GRK4: variants seen among roughly 807,000 people sequenced by gnomAD.
GRK4 encodes G protein-coupled receptor kinase 2-like.
A neutral mutation model predicts 77.9 loss-of-function variants in GRK4; 73 were observed. The observed-to-expected ratio is 0.94, with a 90% CI of 0.78 to 1.14. The LOEUF (loss-of-function observed/expected upper bound fraction) is 1.14, where lower values mean the gene tolerates loss of function less well. Among genes scored for constraint, GRK4 ranks in the 50% most tolerant of loss-of-function variants. The probability of loss-of-function intolerance (pLI) is 0.00; values close to 1 mark genes in which losing one functional copy is unlikely to be tolerated. For missense variants in GRK4, 729 were observed against 700.2 expected (o/e 1.04, Z -0.46); for synonymous variants, 257 against 254.4 (o/e 1.01, Z -0.10).
At chr4:2,982,631 G>C (rs554476414) in intron 1 of GRK4, among the ~76,000 whole-genome samples, 3 of 152,160 alleles carry the variant, frequency 2.0e-5, no homozygotes, top group African/African-American at 7.2e-5. Flanking sequence ...GCTCAGCTCT[G>C]TACTCCTTTA....
intron 7 of GRK4, among the ~76,000 whole-genome samples, chr4:3,012,709 T>C (rs1392355652): frequency 6.6e-6 from 1 of 152,198 alleles, no homozygotes; most frequent in African/African-American, 2.4e-5. Flanking sequence ...CACTTTTGTA[T>C]GTTGGAAATT....
At chr4:2,988,595 A>G (rs1478179134) in intron 2 of GRK4, 132 bp from the exon 3 acceptor site, 2 of 561,896 alleles carry the variant, frequency 3.6e-6, no homozygotes, top group East Asian at 2.9e-5. Flanking sequence ...CAACAACAAC[A>G]AGATGAAAAT....
intron 8 of GRK4, among the ~76,000 whole-genome samples, chr4:3,019,033 G>A (rs1735326085): frequency 6.6e-6 from 1 of 151,598 alleles, no homozygotes; most frequent in Non-Finnish European, 1.5e-5. Flanking sequence ...GGGTGTGTGT[G>A]TATGTGTGTG....
intron 10 of GRK4, among the ~76,000 whole-genome samples, chr4:3,023,288 T>C (rs2515943): frequency 0.38 from 57,331 of 151,978 alleles, 11,172 homozygotes; most frequent in African/African-American, 0.4. Context: ...AATGCAAGGA[T>C]GGTTGCACTG....
At chr4:2,964,155 C>CCG in intron 1 of GRK4, 33 bp downstream of exon 1, 1 of 1,546,716 alleles carries the variant, frequency 6.5e-7, no homozygotes, top group Non-Finnish European at 8.8e-7. Context: ...CGACCCCCCC[C>CCG]CCAGAGAACC....
chr4:2,998,591 TAAG>T (rs1392344621), intron 4 of GRK4, among the ~76,000 whole-genome samples: 8 of 151,458 alleles, frequency 5.3e-5, no homozygotes, highest in Non-Finnish European at 1.5e-5. Flanking sequence ...AAAAAGAAAT[TAAG>T]AAAGCAATTC....
At chr4:2,987,667 G>A (rs909929643) in intron 2 of GRK4, among the ~76,000 whole-genome samples, 7 of 152,162 alleles carry the variant, frequency 4.6e-5, no homozygotes, top group Admixed American at 2.6e-4. Context: ...TTGGCCAGGC[G>A]CAGTGGCTCA....
At chr4:3,019,035 A>ATG (rs149334672) in intron 8 of GRK4, among the ~76,000 whole-genome samples, 1,813 of 151,658 alleles carry the variant, frequency 0.012, 32 homozygotes, top group African/African-American at 0.042. Context: ...GTGTGTGTGT[A>ATG]TGTGTGTGTG....
chr4:3,016,685 G>C (rs1290858505), intron 8 of GRK4, among the ~76,000 whole-genome samples: 1 of 149,794 alleles, frequency 6.7e-6, no homozygotes, highest in African/African-American at 2.5e-5. Flanking sequence ...GGGTGACAGA[G>C]TGAGATCCCA....
intron 1 of GRK4, among the ~76,000 whole-genome samples, chr4:2,971,572 C>A (rs1454017047): frequency 6.6e-6 from 1 of 152,170 alleles, no homozygotes; most frequent in Non-Finnish European, 1.5e-5. Context: ...AGAAACTTGG[C>A]AGGAATAGCA....
intron 15 of GRK4, among the ~76,000 whole-genome samples, chr4:3,039,680 A>C (rs1187124362): frequency 1.3e-5 from 2 of 148,274 alleles, no homozygotes; most frequent in African/African-American, 5.0e-5. Context: ...CCTGGGTGAC[A>C]AGAGTGAAAC....
intron 1 of GRK4, among the ~76,000 whole-genome samples, chr4:2,968,011 G>A (rs1577915780): frequency 1.3e-5 from 2 of 150,636 alleles, no homozygotes; most frequent in African/African-American, 2.4e-5. Flanking sequence ...GGCTGGTCTC[G>A]AACTCCTGAT....
chr4:2,979,820 AG>A lies in GRK4; in HGVS notation c.53-4692del, dbSNP rs1323506496. Among the ~76,000 whole-genome samples the A allele has an allele frequency of 3.9e-5, 6 of 152,326 alleles. No homozygotes were observed. The East Asian group carries it at 1.2e-3, about 29-fold the overall frequency. On this transcript the variant is annotated intron_variant, in intron 1 of 15. Transcript: ENST00000398052. ...CTTGAGTCCAGGAAGTCAAGGCTGC[AG>A]TGAGACTTGCATTCTGCATTCTAGC...
At chr4:3,035,252 G>GA (rs925499059) in intron 12 of GRK4, 134 bp from the exon 13 acceptor site, 1,057 of 919,040 alleles carry the variant, frequency 1.2e-3, no homozygotes, top group Non-Finnish European at 1.4e-3. Context: ...CTCAAAAAAA[G>GA]AAAAAAAAAG....
intron 12 of GRK4, among the ~76,000 whole-genome samples, chr4:3,033,639 T>C (rs971947463): frequency 6.6e-6 from 1 of 152,168 alleles, no homozygotes; most frequent in African/African-American, 2.4e-5. Flanking sequence ...CAGGTTGGAG[T>C]ACAGTGGTGC....
chr4:3,028,028 G>T (rs1174151105), intron 11 of GRK4, 27 bp downstream of exon 11: 2 of 1,603,566 alleles, frequency 1.2e-6, no homozygotes, highest in Non-Finnish European at 1.7e-6. Context: ...CGGCGTCCTT[G>T]TCCTTTCTAT....
intron 10 of GRK4, among the ~76,000 whole-genome samples, chr4:3,024,270 A>G (rs1736820694): frequency 1.3e-5 from 2 of 151,972 alleles, no homozygotes; most frequent in Admixed American, 1.3e-4. Context: ...GTTCTTTTTA[A>G]GGTCAGGGTC....
Position 3,004,299 on chromosome 4 carries a change from G to T in GRK4, c.408G>T (p.Glu136Asp), listed in dbSNP as rs368709515. The T allele has an allele frequency of 5.6e-5, 91 of 1,613,238 alleles. No homozygotes were observed. Among genetic ancestry groups the T allele is most frequent in the Non-Finnish European group, 7.0e-5 (82 of 1,179,352 alleles). Residue 136 changes from glutamate (E) to aspartate (D), a missense_variant, in exon 5 of 16, where the codon GAG (glutamate) becomes GAT (aspartate). Physicochemically the swap from Glu to Asp is conservative, Grantham distance 45. Transcript: ENST00000398052. ...AATGTAGATTGGGACTGAAGGAGGA[G>T]AACCCTTCCAAAAAAGCCTTTGAGG... Reference protein sequence around the residue: ...VTECRLGLKEENPSKKAFEEC... With the variant: ...VTECRLGLKEDNPSKKAFEEC...
At chr4:3,027,891 A>G (rs1376235358) in intron 10 of GRK4, 21 bp from the exon 11 acceptor site, 6 of 1,605,738 alleles carry the variant, frequency 3.7e-6, no homozygotes, top group African/African-American at 1.3e-5. Flanking sequence ...GACCTGTGTA[A>G]TAACATATTT....
Sources: gnomAD v4.1 joint callset for allele counts (sites outside exome capture counted in the v4.1 genomes callset) on GRCh38, gnomAD v4.1.1 for gene constraint, MANE v1.5 for transcripts, NCBI Gene and HGNC (gene_info 2026-07-23, HGNC 2026-07-21) for gene names.